Variants in LRRC4C observed in about 807,000 individuals in gnomAD.
The protein encoded by LRRC4C is leucine-rich repeat-containing protein 4C.
LRRC4C carries 5 observed loss-of-function variants against 33.6 expected under a neutral mutation model. That is an observed-to-expected ratio of 0.15 (90% CI 0.08 to 0.31). The LOEUF (loss-of-function observed/expected upper bound fraction) is 0.31. Among genes scored for constraint, LRRC4C ranks in the 10% least tolerant of loss-of-function variants. The pLI is 1.00. For missense variants in LRRC4C, 560 were observed against 796.7 expected (o/e 0.70, Z 3.58); for synonymous variants, 329 against 302.0 (o/e 1.09, Z -0.93).
Position 40,317,407 on chromosome 11 carries a change from A to G in LRRC4C, c.-176+2221T>C, listed in dbSNP as rs181035964. On this transcript the variant is annotated intron_variant, in intron 4 of 6. Coordinates refer to ENST00000528697, the MANE Select transcript of LRRC4C (RefSeq NM_001258419.2). Reference sequence around the variant, plus strand: ...ATACTTTCCACAGGATCTAAGCACAACTTAGTATCCAGACTGAAATCTTAG... The same window carrying G: ...ATACTTTCCACAGGATCTAAGCACAGCTTAGTATCCAGACTGAAATCTTAG... Among the ~76,000 whole-genome samples the G allele has an allele frequency of 4.6e-3, 705 of 152,180 alleles. 7 individuals are homozygous for G. The highest frequency in any genetic ancestry group is 8.3e-3 in the Non-Finnish European group (564 of 67,930).
chr11:40,131,410 T>C (rs1590460710), intron 6 of LRRC4C, among the ~76,000 whole-genome samples: 1 of 152,272 alleles, frequency 6.6e-6, no homozygotes, highest in South Asian at 2.1e-4. Flanking sequence ...AATGACGGTT[T>C]AGGGTAAAAA....
Position 41,370,895 on chromosome 11 carries a change from T to C in LRRC4C, c.-496+88536A>G, listed in dbSNP as rs150371815. On this transcript the variant is annotated intron_variant, in intron 1 of 6. Coordinates refer to ENST00000528697, the MANE Select transcript of LRRC4C (RefSeq NM_001258419.2). Reference sequence around the variant, plus strand: ...TACATTTTATGTGGGCAACATCCCTTCTCCTTTCTCTTCCTCAGTTAACTT... The same window carrying C: ...TACATTTTATGTGGGCAACATCCCTCCTCCTTTCTCTTCCTCAGTTAACTT... Among the ~76,000 whole-genome samples the C allele has an allele frequency of 9.9e-5, 15 of 152,190 alleles. No individual in the cohort carries two copies. The East Asian group carries it at 2.9e-3, about 30-fold the overall frequency.
At chr11:41,352,066 A>G (rs1289733019) in intron 1 of LRRC4C, among the ~76,000 whole-genome samples, 2 of 152,226 alleles carry the variant, frequency 1.3e-5, no homozygotes, top group African/African-American at 4.8e-5. Flanking sequence ...AAAGGCATAG[A>G]GTGACAAGTT....
chr11:41,182,751 A>G (rs1945508147), intron 1 of LRRC4C, among the ~76,000 whole-genome samples: 1 of 152,010 alleles, frequency 6.6e-6, no homozygotes, highest in Non-Finnish European at 1.5e-5. Flanking sequence ...TTCAAAATAT[A>G]CTTAACAATT....
At chr11:41,119,883 T>C (rs1942335362) in intron 1 of LRRC4C, among the ~76,000 whole-genome samples, 1 of 152,176 alleles carries the variant, frequency 6.6e-6, no homozygotes, top group African/African-American at 2.4e-5. Flanking sequence ...ACGCTGAACT[T>C]TCAGTTTTTG....
At chr11:40,655,230 T>C (rs1943041352) in intron 2 of LRRC4C, among the ~76,000 whole-genome samples, 1 of 152,194 alleles carries the variant, frequency 6.6e-6, no homozygotes, top group Admixed American at 6.5e-5. Flanking sequence ...TTTGCATGTG[T>C]ATTAATCTCA....
intron 4 of LRRC4C, among the ~76,000 whole-genome samples, chr11:40,308,743 A>T (rs1438146089): frequency 6.6e-6 from 1 of 152,200 alleles, no homozygotes; most frequent in African/African-American, 2.4e-5. Flanking sequence ...TTTCATTGCC[A>T]CCACATACGA....
chr11:40,779,475 T>G (rs1236504023), intron 2 of LRRC4C, among the ~76,000 whole-genome samples: 1 of 152,168 alleles, frequency 6.6e-6, no homozygotes. Context: ...AACAAAAAAT[T>G]AATGTAAAAT....
intron 4 of LRRC4C, among the ~76,000 whole-genome samples, chr11:40,250,983 A>T (rs1227099445): frequency 1.3e-5 from 2 of 152,132 alleles, no homozygotes; most frequent in Non-Finnish European, 2.9e-5. Context: ...TATAAAAATG[A>T]GATAGAATTG....
intron 1 of LRRC4C, among the ~76,000 whole-genome samples, chr11:41,090,465 A>G (rs1940333230): frequency 6.6e-6 from 1 of 152,148 alleles, no homozygotes; most frequent in South Asian, 2.1e-4. Flanking sequence ...AAAAAGATTG[A>G]TATGCTTGAT....
intron 2 of LRRC4C, among the ~76,000 whole-genome samples, chr11:40,871,602 T>G (rs1312399695): frequency 6.6e-6 from 1 of 152,120 alleles, no homozygotes; most frequent in African/African-American, 2.4e-5. Flanking sequence ...TATCCGTTTA[T>G]GCACAGACAA....
intron 1 of LRRC4C, among the ~76,000 whole-genome samples, chr11:41,152,544 A>G (rs1360081779): frequency 6.6e-6 from 1 of 152,122 alleles, no homozygotes; most frequent in African/African-American, 2.4e-5. Flanking sequence ...AGTTTTATGA[A>G]CCCAGGCCTA....
At chr11:40,134,653 G>A (rs1284524267) in intron 6 of LRRC4C, among the ~76,000 whole-genome samples, 2 of 152,148 alleles carry the variant, frequency 1.3e-5, no homozygotes, top group African/African-American at 4.8e-5. Flanking sequence ...GCCTGGGTTA[G>A]GCTCTGACTT....
At chr11:40,727,418 A>C (rs755447225) in intron 2 of LRRC4C, among the ~76,000 whole-genome samples, 4 of 152,210 alleles carry the variant, frequency 2.6e-5, no homozygotes, top group Admixed American at 2.6e-4. Context: ...AAATTAACTC[A>C]AGATGAATTA....
intron 1 of LRRC4C, among the ~76,000 whole-genome samples, chr11:40,952,580 C>T (rs1428723866): frequency 1.3e-5 from 2 of 151,812 alleles, no homozygotes; most frequent in Admixed American, 1.3e-4. Context: ...AAATAATTTA[C>T]TGAGACTGAC....
In LRRC4C at chr11:40,684,742, A is replaced by G. The variant is rs569843096; in HGVS notation, c.-406-36464T>C. On this transcript the variant is annotated intron_variant, in intron 2 of 6. Coordinates refer to ENST00000528697, the MANE Select transcript of LRRC4C (RefSeq NM_001258419.2). ...AAAACAATCAGAGAGGAAAAAATATATTACATGCAAATGAGGAACAATTAG... is the reference window on the plus strand; with the variant it reads ...AAAACAATCAGAGAGGAAAAAATATGTTACATGCAAATGAGGAACAATTAG... Among the ~76,000 whole-genome samples, 79 of 152,186 alleles carry G rather than the reference A, an allele frequency of 5.2e-4. 1 individual carries two copies. Among genetic ancestry groups the G allele is most frequent in the South Asian group, 2.3e-3 (11 of 4,832 alleles).
intron 3 of LRRC4C, among the ~76,000 whole-genome samples, chr11:40,370,331 GA>G (rs1948398370): frequency 6.6e-6 from 1 of 152,168 alleles, no homozygotes; most frequent in Admixed American, 6.5e-5. Context: ...AACACTCGCT[GA>G]AACGACTGCT....
chr11:41,009,952 T>C (rs2137511049), intron 1 of LRRC4C, among the ~76,000 whole-genome samples: 1 of 152,144 alleles, frequency 6.6e-6, no homozygotes, highest in South Asian at 2.1e-4. Context: ...GGTGTCTAAA[T>C]AAAAAGGGGG....
At chr11:41,074,143 C>T (rs1194186521) in intron 1 of LRRC4C, among the ~76,000 whole-genome samples, 1 of 152,070 alleles carries the variant, frequency 6.6e-6, no homozygotes, top group African/African-American at 2.4e-5. Flanking sequence ...AGTCCAATTT[C>T]TAAAAATGTA....
Sources: allele counts gnomAD v4.1 joint callset (sites outside exome capture counted in the v4.1 genomes callset), GRCh38; gene constraint gnomAD v4.1.1; transcripts MANE v1.5; gene names NCBI Gene and HGNC (gene_info 2026-07-23, HGNC 2026-07-21).